The following FLRT2 variants were observed in gnomAD, a reference collection of about 807,000 sequenced individuals.
The protein encoded by FLRT2 is leucine-rich repeat transmembrane protein FLRT2.
FLRT2 carries 15 observed loss-of-function variants against 40.0 expected under a neutral mutation model. The observed-to-expected ratio is 0.38, with a 90% CI of 0.25 to 0.58. The LOEUF is 0.58. FLRT2 is among the 20% of genes least tolerant of loss of function. FLRT2 has a pLI of 0.71. For missense variants in FLRT2, 726 were observed against 840.0 expected, an observed-to-expected ratio of 0.86 and a Z score of 1.68; for synonymous variants, 380 against 336.8, an observed-to-expected ratio of 1.13 and a Z score of -1.41.
rs1894411965 is a variant in FLRT2, at chr14:85,650,710, TGTTTAA to T, written c.*27218_*27223del. On this transcript the variant is annotated 3_prime_UTR_variant, in exon 2 of 2. Transcript: ENST00000330753. ...ATTTGTACTTCCCCAGTTCCTGTTG[TGTTTAA>T]GTTTGTTTTTTATTTATTTATTATC... The T allele has an allele frequency of 6.6e-6, 1 of 151,528 alleles. No individual in the cohort carries two copies. The highest frequency in any genetic ancestry group is 1.5e-5 in the Non-Finnish European group (1 of 67,954). The allele number at this position is 151,528 out of a possible 1,614,324, so 9.4% of individuals were successfully genotyped here. A position where few individuals can be genotyped will look rare whatever the true frequency, so the allele number is the denominator to read the frequency against.
rs555444816 is a variant in FLRT2 at position 85,628,292 on chromosome 14, A to T, written c.*4795A>T. 1 of 152,162 alleles carries T rather than the reference A, an allele frequency of 6.6e-6. No individual in the cohort carries two copies. Among genetic ancestry groups the T allele is most frequent in the African/African-American group, 2.4e-5 (1 of 41,528 alleles). The allele number at this position is 152,162 out of a possible 1,614,324, so 9.4% of individuals were successfully genotyped here. On this transcript the variant is annotated 3_prime_UTR_variant, in exon 2 of 2. Transcript: ENST00000330753. ...TTTCCCCTATTTCAAAATAGATGCT[A>T]TTGGCTTTATTTTTTATTTTTAAAT...
At chr14:85,572,139 C>G (rs548117892) in intron 1 of FLRT2, among the ~76,000 whole-genome samples, 12 of 152,290 alleles carry the variant, frequency 7.9e-5, no homozygotes, top group Admixed American at 7.8e-4. Flanking sequence ...TGTCACTCAG[C>G]CCTGTGTTTT....
chr14:85,580,367 A>G (rs1475904093), intron 1 of FLRT2, among the ~76,000 whole-genome samples: 2 of 152,146 alleles, frequency 1.3e-5, no homozygotes, highest in Non-Finnish European at 1.5e-5. Context: ...AGAAGTTTTC[A>G]GAAGTAATTT....
At chr14:85,619,257 T>G (rs1260948208) in intron 1 of FLRT2, among the ~76,000 whole-genome samples, 2 of 151,964 alleles carry the variant, frequency 1.3e-5, no homozygotes, top group Non-Finnish European at 2.9e-5. Context: ...CTAATTTTTC[T>G]AATTTTTAAT....
chr14:85,653,392 G>A lies in FLRT2; in HGVS notation c.*29895G>A, dbSNP rs535058516. Reference sequence around the variant, plus strand: ...GGTGACCAATATCCGGAGGCTCTACGTCAAGTCATTGAACATGGATGGATG... The same window carrying A: ...GGTGACCAATATCCGGAGGCTCTACATCAAGTCATTGAACATGGATGGATG... On this transcript the variant is annotated 3_prime_UTR_variant, in exon 2 of 2. Coordinates refer to ENST00000330753, the MANE Select transcript of FLRT2 (RefSeq NM_013231.6). The A allele has an allele frequency of 5.9e-5, 9 of 152,090 alleles. No individual in the cohort carries two copies. Among genetic ancestry groups the A allele is most frequent in the African/African-American group, 1.7e-4 (7 of 41,420 alleles). 9.4% of individuals were successfully genotyped at this position (152,090 alleles called of 1,614,324 possible).
rs535122545 is a variant in FLRT2 at position 85,626,771 on chromosome 14, T to A, written c.*3274T>A. The A allele has an allele frequency of 1.1e-4, 18 of 167,224 alleles. No individual in the cohort carries two copies. The East Asian group carries it at 3.3e-3, about 30-fold the overall frequency. 10.4% of individuals were successfully genotyped at this position (167,224 alleles called of 1,614,324 possible). ...AATGCAATTTCTAATTATCTGGATG[T>A]TCGTTGAAAATATATTAGACATTCT... On this transcript the variant is annotated 3_prime_UTR_variant, in exon 2 of 2. Coordinates refer to ENST00000330753, the MANE Select transcript of FLRT2 (RefSeq NM_013231.6).
At chr14:85,574,218 T>A (rs1458609193) in intron 1 of FLRT2, among the ~76,000 whole-genome samples, 1 of 151,574 alleles carries the variant, frequency 6.6e-6, no homozygotes, top group Non-Finnish European at 1.5e-5. Context: ...TACATAAAAA[T>A]AGAGGATAAA....
At position 85,637,747 on chromosome 14, in the gene FLRT2, G is replaced by T. The variant is rs1317083118; in HGVS notation, c.*14250G>T. On this transcript the variant is annotated 3_prime_UTR_variant, in exon 2 of 2. Coordinates refer to ENST00000330753, the MANE Select transcript of FLRT2 (RefSeq NM_013231.6). ...TCATCTATCACTTGTCTTAAAGGAA[G>T]ATTTGAAACATAATAGTTTCCTTTG... The T allele has an allele frequency of 6.6e-6, 1 of 152,162 alleles. No homozygotes were observed. Among genetic ancestry groups the T allele is most frequent in the Non-Finnish European group, 1.5e-5 (1 of 68,034 alleles). The allele number at this position is 152,162 out of a possible 1,614,324, so 9.4% of individuals were successfully genotyped here. A position where few individuals can be genotyped will look rare whatever the true frequency, so the allele number is the denominator to read the frequency against.
At chr14:85,614,383 A>C (rs1040137268) in intron 1 of FLRT2, among the ~76,000 whole-genome samples, 19 of 152,148 alleles carry the variant, frequency 1.2e-4, no homozygotes, top group Non-Finnish European at 2.5e-4. Flanking sequence ...ATTAAAAAAA[A>C]AAGGTAAAAT....
At chr14:85,532,256 C>T (rs1888330813) in intron 1 of FLRT2, among the ~76,000 whole-genome samples, 1 of 152,160 alleles carries the variant, frequency 6.6e-6, no homozygotes, top group Non-Finnish European at 1.5e-5. Context: ...GTGGCCCCAC[C>T]GACGGCGCGT....
At chr14:85,552,860 G>T (rs1013404674) in intron 1 of FLRT2, 1 of 152,122 alleles carries the variant, frequency 6.6e-6, no homozygotes, top group African/African-American at 2.4e-5. Context: ...AATGACTTTT[G>T]TTGCTCATGT....
At chr14:85,601,686 C>T (rs7157333) in intron 1 of FLRT2, among the ~76,000 whole-genome samples, 5,509 of 152,236 alleles carry the variant, frequency 0.036, 345 homozygotes, top group African/African-American at 0.13. Context: ...TAAAATGAGA[C>T]TAATGATAAT....
At chr14:85,532,249 GC>G (rs1328924273) in intron 1 of FLRT2, among the ~76,000 whole-genome samples, 2 of 152,130 alleles carry the variant, frequency 1.3e-5, no homozygotes, top group Non-Finnish European at 2.9e-5. Context: ...ATCTCGCGTG[GC>G]CCCACCGACG....
chr14:85,545,088 C>CTTAA (rs1287773409), intron 1 of FLRT2, among the ~76,000 whole-genome samples: 4 of 152,104 alleles, frequency 2.6e-5, no homozygotes, highest in African/African-American at 7.2e-5. Flanking sequence ...GCTTATAACA[C>CTTAA]CACCCCAGAT....
At chr14:85,611,789 A>G (rs1426488746) in intron 1 of FLRT2, among the ~76,000 whole-genome samples, 1 of 152,122 alleles carries the variant, frequency 6.6e-6, no homozygotes, top group Non-Finnish European at 1.5e-5. Context: ...TATGAATGTT[A>G]TTTTTATTGA....
Position 85,588,056 on chromosome 14 carries a change from C to T in FLRT2, c.-376-33083C>T, listed in dbSNP as rs189403247. Among the ~76,000 whole-genome samples, 155 of 152,086 alleles carry T rather than the reference C, an allele frequency of 1.0e-3. 1 individual carries two copies. The highest frequency in any genetic ancestry group is 5.8e-3 in the East Asian group (30 of 5,170). ...ATGCCATTCTCCTGCCTCAGCCTCC[C>T]GAGTGATATTTCAGCTTCTTTCTTA... On this transcript the variant is annotated intron_variant, in intron 1 of 1. Transcript: ENST00000330753.
At position 85,634,021 on chromosome 14, in the gene FLRT2, C is replaced by T. The variant is rs1893945107; in HGVS notation, c.*10524C>T. ...CCACCTGTCATGTGGTTACTTTTTG[C>T]AATCGATATCATTATTAAGTTTGGA... On this transcript the variant is annotated 3_prime_UTR_variant, in exon 2 of 2. Coordinates refer to ENST00000330753, the MANE Select transcript of FLRT2 (RefSeq NM_013231.6). 6.6e-6 allele frequency: 1 copy of T among 152,076 alleles called. No homozygotes were observed. The highest frequency in any genetic ancestry group is 6.6e-5 in the Admixed American group (1 of 15,264). The allele number at this position is 152,076 out of a possible 1,614,324, so 9.4% of individuals were successfully genotyped here.
intron 1 of FLRT2, among the ~76,000 whole-genome samples, chr14:85,592,634 C>T (rs1019153098): frequency 6.8e-6 from 1 of 146,980 alleles, no homozygotes; most frequent in Non-Finnish European, 1.5e-5. Context: ...ACTAAAAATA[C>T]AAAAATTAGT....
chr14:85,601,940 C>T (rs1293172712), intron 1 of FLRT2, among the ~76,000 whole-genome samples: 1 of 152,108 alleles, frequency 6.6e-6, no homozygotes, highest in East Asian at 1.9e-4. Flanking sequence ...GAAATAGTTG[C>T]TTCTGGAAGT....
Sources: gnomAD v4.1 joint callset for allele counts (sites outside exome capture counted in the v4.1 genomes callset) on GRCh38, gnomAD v4.1.1 for gene constraint, MANE v1.5 for transcripts, NCBI Gene and HGNC (gene_info 2026-07-23, HGNC 2026-07-21) for gene names.